The following PIN4 variants were observed in gnomAD, a reference collection of about 807,000 sequenced individuals.
PIN4 encodes peptidyl-prolyl cis-trans isomerase NIMA-interacting 4.
PIN4 carries 3 observed loss-of-function variants against 8.3 expected under a neutral mutation model. The ratio of observed to expected loss-of-function variants is 0.36; its 90% CI spans 0.16 to 0.93. PIN4 has a LOEUF of 0.93. Ranked by LOEUF, PIN4 falls within the 40% of genes least tolerant of loss-of-function variation. The probability of loss-of-function intolerance (pLI) is 0.44; values close to 1 mark genes in which losing one functional copy is unlikely to be tolerated. For synonymous variants in PIN4, 18 were observed against 32.5 expected, an observed-to-expected ratio of 0.55 and a Z score of 1.52; for missense variants, 75 against 100.6, an observed-to-expected ratio of 0.75 and a Z score of 1.09.
At chrX:72,186,118 C>G (rs768285519) in intron 1 of PIN4, 2 of 275,712 alleles carry the variant, frequency 7.3e-6, no homozygotes, top group Non-Finnish European at 1.3e-5. Context: ...GCTTGTCCAA[C>G]CCACGGCCCA....
At chrX:72,196,353 G>A (rs1370902066) in intron 2 of PIN4, among the ~76,000 whole-genome samples, 2 of 110,762 alleles carry the variant, frequency 1.8e-5, no homozygotes, top group Non-Finnish European at 3.8e-5. Context: ...GGCCAACATG[G>A]AGAAACCCCA....
chrX:72,225,005 A>G (rs1343103993), intron 3 of PIN4, among the ~76,000 whole-genome samples: 1 of 111,103 alleles, frequency 9.0e-6, no homozygotes, highest in Non-Finnish European at 1.9e-5. Flanking sequence ...TATTCTCCCA[A>G]TCAAAAAACC....
intron 3 of PIN4, among the ~76,000 whole-genome samples, chrX:72,245,616 G>A (rs1026489512): frequency 5.4e-5 from 6 of 111,902 alleles, no homozygotes; most frequent in Middle Eastern, 4.2e-3. Context: ...AAGCAGGAAG[G>A]AGGAGGAAAG....
At chrX:72,248,291 G>GAAAA (rs55908553) in intron 3 of PIN4, among the ~76,000 whole-genome samples, 5 of 54,904 alleles carry the variant, frequency 9.1e-5, no homozygotes, top group Non-Finnish European at 1.7e-4. Context: ...GCTCCATCCA[G>GAAAA]AAAAAAAAAA....
intron 3 of PIN4, among the ~76,000 whole-genome samples, chrX:72,240,457 T>C (rs2043044223): frequency 8.9e-6 from 1 of 112,067 alleles, no homozygotes; most frequent in Non-Finnish European, 1.9e-5. Flanking sequence ...TCATACATCA[T>C]ATGTCCAGAG....
chrX:72,208,201 T>C lies in PIN4; in HGVS notation c.312+11297T>C, dbSNP rs142549919. 2.9e-3 allele frequency: 3,556 copies of C among 1,209,931 alleles called. 65 individuals are homozygous for C. In the African/African-American group the frequency reaches 0.056, roughly 19 times the overall value. ...AACACCATTCCTTTGCTGAATCCGA[T>C]TGAGGTTTCTGGTCCGTTCATCCTT... On this transcript the variant is annotated intron_variant, in intron 3 of 3. Coordinates refer to the PIN4 transcript ENST00000423432.
chrX:72,222,802 T>TG (rs1383354462), intron 3 of PIN4, among the ~76,000 whole-genome samples: 3 of 107,103 alleles, frequency 2.8e-5, no homozygotes, highest in African/African-American at 1.0e-4. Context: ...TTCATCATGT[T>TG]GGTCAGGCTG....
At chrX:72,222,660 C>T (rs932776783) in intron 3 of PIN4, among the ~76,000 whole-genome samples, 4 of 103,942 alleles carry the variant, frequency 3.8e-5, no homozygotes, top group East Asian at 3.1e-4. Context: ...CGCAGTAGCG[C>T]GATCTCAGCT....
intron 3 of PIN4, among the ~76,000 whole-genome samples, chrX:72,252,662 T>A (rs757386094): frequency 8.9e-6 from 1 of 112,407 alleles, no homozygotes; most frequent in East Asian, 2.8e-4. Context: ...AGTGCTGGGA[T>A]TACAGGCGTG....
At chrX:72,235,714 C>CTG (rs886998632) in intron 3 of PIN4, among the ~76,000 whole-genome samples, 4 of 111,857 alleles carry the variant, frequency 3.6e-5, no homozygotes, top group Non-Finnish European at 7.5e-5. Context: ...TTTAAGCACC[C>CTG]TGTGATTACA....
intron 2 of PIN4, among the ~76,000 whole-genome samples, chrX:72,188,512 C>T (rs12388774): frequency 0.26 from 28,907 of 109,654 alleles, 2,917 homozygotes; most frequent in East Asian, 0.51. Context: ...TGCCCGCCAC[C>T]GCGCCCAGCT....
At chrX:72,197,177 G>T in intron 3 of PIN4, 191 bp from the exon 4 acceptor site, 1 of 455,690 alleles carries the variant, frequency 2.2e-6, no homozygotes. Context: ...GTCCAGCAGT[G>T]TTGAGAGTAC....
chrX:72,251,003 G>A (rs1418708812), intron 3 of PIN4, among the ~76,000 whole-genome samples: 1 of 107,471 alleles, frequency 9.3e-6, no homozygotes, highest in Non-Finnish European at 1.9e-5. Flanking sequence ...ATCTCCCAAA[G>A]TGCTGGGATT....
intron 2 of PIN4, among the ~76,000 whole-genome samples, chrX:72,190,810 G>A (rs1174036851): frequency 2.7e-5 from 3 of 109,208 alleles, no homozygotes; most frequent in African/African-American, 1.0e-4. Flanking sequence ...AAAATTAGTC[G>A]GGTGTGGTGG....
At chrX:72,241,828 A>T (rs1041310141) in intron 3 of PIN4, among the ~76,000 whole-genome samples, 5 of 111,219 alleles carry the variant, frequency 4.5e-5, no homozygotes, top group African/African-American at 6.6e-5. Context: ...AAAAAAAAAA[A>T]ATATGAGTTT....
intron 3 of PIN4, among the ~76,000 whole-genome samples, chrX:72,219,223 T>A (rs1346187933): frequency 9.0e-6 from 1 of 110,750 alleles, no homozygotes; most frequent in Non-Finnish European, 1.9e-5. Context: ...GCCATTGCAC[T>A]CCAGCCTGGG....
At position 72,197,927 on chromosome X, in the gene PIN4, C is replaced by A; in HGVS notation, c.*401C>A. The A allele has an allele frequency of 5.3e-6, 4 of 755,445 alleles. No homozygotes were observed. The highest frequency in any genetic ancestry group is 6.3e-6 in the Non-Finnish European group (4 of 637,463). The allele number at this position is 755,445 out of a possible 1,213,427, so 62.3% of individuals were successfully genotyped here. On this transcript the variant is annotated 3_prime_UTR_variant, in exon 4 of 4. Transcript: ENST00000373669. ...ATCAAATAGATTAGTGTGTGAGAAT[C>A]ATAAAATAAGTTCCTAGACAACATT...
At chrX:72,206,023 A>G (rs1486586718) in intron 3 of PIN4, 6 of 1,212,065 alleles carry the variant, frequency 5.0e-6, no homozygotes, top group East Asian at 3.0e-5. Context: ...AGCTATTTCA[A>G]TAATGGATAC....
At chrX:72,242,201 T>A (rs1310062127) in intron 3 of PIN4, among the ~76,000 whole-genome samples, 1 of 112,328 alleles carries the variant, frequency 8.9e-6, no homozygotes, top group Admixed American at 9.4e-5. Context: ...CTACCTCCTC[T>A]CTGCTTCCCA....
Sources: gnomAD v4.1 joint callset for allele counts (sites outside exome capture counted in the v4.1 genomes callset) on GRCh38, gnomAD v4.1.1 for gene constraint, MANE v1.5 for transcripts, NCBI Gene and HGNC (gene_info 2026-07-23, HGNC 2026-07-21) for gene names.